Variants in CADM2 observed in about 807,000 individuals in gnomAD.
The protein encoded by CADM2 is cell adhesion molecule 2, also known as immunoglobulin superfamily member 4D.
Under a neutral mutation model 49.8 loss-of-function variants are expected in CADM2, and 12 were observed. The ratio of observed to expected loss-of-function variants is 0.24; its 90% CI spans 0.15 to 0.39. The LOEUF is 0.39. CADM2 is among the 10% of genes least tolerant of loss of function. The pLI, the probability that CADM2 is intolerant of heterozygous loss-of-function variation, is 1.00. For missense variants in CADM2, 378 were observed against 492.3 expected, an observed-to-expected ratio of 0.77 and a Z score of 2.20; for synonymous variants, 214 against 175.4, an observed-to-expected ratio of 1.22 and a Z score of -1.74.
At chr3:86,034,560 T>A (rs1734933947) in intron 8 of CADM2, among the ~76,000 whole-genome samples, 2 of 152,002 alleles carry the variant, frequency 1.3e-5, no homozygotes. Flanking sequence ...AGCCACCAAA[T>A]TTATGTTATG....
intron 1 of CADM2, among the ~76,000 whole-genome samples, chr3:84,979,166 G>A (rs1428613748): frequency 1.3e-5 from 2 of 152,068 alleles, no homozygotes; most frequent in African/African-American, 4.8e-5. Context: ...ATATGATTAT[G>A]TCTTTGTCAT....
At chr3:85,251,105 GT>G (rs892276342) in intron 1 of CADM2, among the ~76,000 whole-genome samples, 9 of 151,310 alleles carry the variant, frequency 5.9e-5, no homozygotes, top group African/African-American at 1.4e-4. Context: ...TTTAAATTGA[GT>G]TTTTTTTCCA....
At chr3:85,992,399 T>C (rs1559787639) in intron 8 of CADM2, 1 of 152,154 alleles carries the variant, frequency 6.6e-6, no homozygotes, top group African/African-American at 2.4e-5. Flanking sequence ...ATTTTATTTT[T>C]CTAAATTTAT....
intron 1 of CADM2, among the ~76,000 whole-genome samples, chr3:85,567,515 T>C (rs2062301417): frequency 6.6e-6 from 1 of 152,188 alleles, no homozygotes; most frequent in African/African-American, 2.4e-5. Flanking sequence ...ATAAAGGTCT[T>C]AGAGAAGAAA....
At chr3:85,358,429 T>A (rs779583227) in intron 1 of CADM2, among the ~76,000 whole-genome samples, 57 of 152,070 alleles carry the variant, frequency 3.7e-4, no homozygotes, top group Non-Finnish European at 7.5e-4. Context: ...GGGAAAATAT[T>A]TTTACAAGTA....
intron 1 of CADM2, among the ~76,000 whole-genome samples, chr3:85,382,584 A>G (rs1268483611): frequency 6.6e-6 from 1 of 152,192 alleles, no homozygotes; most frequent in African/African-American, 2.4e-5. Context: ...CTGTTTAATA[A>G]TTATTCCAGG....
At chr3:85,682,731 GAAAGA>G (rs2066074496) in intron 1 of CADM2, among the ~76,000 whole-genome samples, 1 of 151,976 alleles carries the variant, frequency 6.6e-6, no homozygotes, top group Non-Finnish European at 1.5e-5. Flanking sequence ...TTCTTTTCAA[GAAAGA>G]GACAAATTAA....
At chr3:85,359,140 G>A (rs1314239921) in intron 1 of CADM2, among the ~76,000 whole-genome samples, 1 of 152,080 alleles carries the variant, frequency 6.6e-6, no homozygotes, top group Non-Finnish European at 1.5e-5. Context: ...AAGGAGCTAA[G>A]GAACTCAGTA....
intron 1 of CADM2, among the ~76,000 whole-genome samples, chr3:85,582,297 A>G (rs1195669010): frequency 2.0e-5 from 3 of 152,208 alleles, no homozygotes; most frequent in Admixed American, 2.0e-4. Flanking sequence ...AATATAAGGA[A>G]GCATGAAAAG....
At position 85,020,333 on chromosome 3, in the gene CADM2, T is replaced by G. The variant is rs750439780; in HGVS notation, c.61+60665T>G. Among the ~76,000 whole-genome samples, 60 of 152,308 alleles carry G rather than the reference T, an allele frequency of 3.9e-4. 2 individuals are homozygous for G. The highest frequency in any genetic ancestry group is 4.6e-4 in the Admixed American group (7 of 15,310). Reference sequence around the variant, plus strand: ...GCTTTAGGATTAGATAAGAAATGCTTTCACTGCTTAGATTAAACTTTTCCA... The same window carrying G: ...GCTTTAGGATTAGATAAGAAATGCTGTCACTGCTTAGATTAAACTTTTCCA... On this transcript the variant is annotated intron_variant, in intron 1 of 9. Coordinates refer to ENST00000383699, the MANE Select transcript of CADM2 (RefSeq NM_001167675.2).
chr3:85,628,314 G>T (rs941679828), intron 1 of CADM2, among the ~76,000 whole-genome samples: 17 of 151,672 alleles, frequency 1.1e-4, no homozygotes, highest in Non-Finnish European at 1.9e-4. Context: ...TCAAACCCAA[G>T]AATTTTATAT....
At chr3:85,666,562 C>T (rs1299709548) in intron 1 of CADM2, among the ~76,000 whole-genome samples, 1 of 151,820 alleles carries the variant, frequency 6.6e-6, no homozygotes, top group Non-Finnish European at 1.5e-5. Context: ...AAATGAAGAC[C>T]TCCCCAAACC....
intron 3 of CADM2, among the ~76,000 whole-genome samples, chr3:85,845,047 T>C (rs913413735): frequency 3.3e-5 from 5 of 150,354 alleles, no homozygotes; most frequent in African/African-American, 1.2e-4. Flanking sequence ...CCTAGCTACT[T>C]GGGAGGTTAA....
chr3:85,892,092 T>C (rs138809659), intron 5 of CADM2, among the ~76,000 whole-genome samples: 12 of 152,238 alleles, frequency 7.9e-5, no homozygotes, highest in African/African-American at 2.6e-4. Flanking sequence ...GCACTTGGGT[T>C]TGGGGAGAAG....
At chr3:85,183,636 T>C (rs1455309223) in intron 1 of CADM2, among the ~76,000 whole-genome samples, 4 of 152,278 alleles carry the variant, frequency 2.6e-5, no homozygotes, top group African/African-American at 7.2e-5. Context: ...AGATTTGAAG[T>C]AACCAATCTC....
chr3:84,999,100 A>G (rs2033324653), intron 1 of CADM2, among the ~76,000 whole-genome samples: 1 of 152,178 alleles, frequency 6.6e-6, no homozygotes, highest in Non-Finnish European at 1.5e-5. Context: ...GCTAATTTTA[A>G]ACTACAGCCT....
At chr3:85,163,607 T>A (rs975059908) in intron 1 of CADM2, among the ~76,000 whole-genome samples, 1 of 152,040 alleles carries the variant, frequency 6.6e-6, no homozygotes, top group Non-Finnish European at 1.5e-5. Flanking sequence ...ATATATACCA[T>A]CCACATACCC....
intron 1 of CADM2, among the ~76,000 whole-genome samples, chr3:85,210,538 AT>A (rs750157218): frequency 2.0e-5 from 3 of 150,626 alleles, no homozygotes; most frequent in South Asian, 4.2e-4. Context: ...ATTTTTGGGG[AT>A]TTTTTTCTTT....
chr3:85,041,463 C>T (rs2035438585), intron 1 of CADM2, among the ~76,000 whole-genome samples: 1 of 152,078 alleles, frequency 6.6e-6, no homozygotes, highest in African/African-American at 2.4e-5. Context: ...GAAGAGGAAA[C>T]GGAAGTGAAT....
Sources: allele counts gnomAD v4.1 joint callset (sites outside exome capture counted in the v4.1 genomes callset), GRCh38; gene constraint gnomAD v4.1.1; transcripts MANE v1.5; gene names NCBI Gene and HGNC (gene_info 2026-07-23, HGNC 2026-07-21).